Variants in MYOF observed in about 807,000 individuals in gnomAD.
MYOF encodes the protein myoferlin.
MYOF carries 244 observed loss-of-function variants against 284.2 expected under a neutral mutation model. The observed-to-expected ratio is 0.86, with a 90% CI of 0.77 to 0.95. The LOEUF (loss-of-function observed/expected upper bound fraction) is 0.95. Ranked by LOEUF, MYOF falls within the 40% of genes least tolerant of loss-of-function variation. The probability of loss-of-function intolerance (pLI) is 0.00; values close to 1 mark genes in which losing one functional copy is unlikely to be tolerated. For missense variants in MYOF, 2,496 were observed against 2,560.6 expected, an observed-to-expected ratio of 0.97 and a Z score of 0.54; for synonymous variants, 904 against 919.7, an observed-to-expected ratio of 0.98 and a Z score of 0.31.
At chr10:93,452,578 A>T (rs2056623528) in intron 2 of MYOF, among the ~76,000 whole-genome samples, 1 of 124,906 alleles carries the variant, frequency 8.0e-6, no homozygotes, top group Non-Finnish European at 1.7e-5. Flanking sequence ...GGGGGGAGGG[A>T]TAGCATTAGG....
chr10:93,338,796 C>T (rs1291281359), intron 39 of MYOF, among the ~76,000 whole-genome samples: 1 of 152,038 alleles, frequency 6.6e-6, no homozygotes, highest in Non-Finnish European at 1.5e-5. Flanking sequence ...GCAGAAGGGA[C>T]AGCATGTCAG....
intron 40 of MYOF, 59 bp from the exon 41 acceptor site, chr10:93,336,105 A>G: frequency 2.5e-6 from 4 of 1,575,910 alleles, no homozygotes; most frequent in Non-Finnish European, 3.4e-6. Flanking sequence ...GTCTAAAATC[A>G]AAAGGGCTGA....
At chr10:93,370,843 TC>T (rs1327183264) in intron 24 of MYOF, among the ~76,000 whole-genome samples, 1 of 149,668 alleles carries the variant, frequency 6.7e-6, no homozygotes, top group Non-Finnish European at 1.5e-5. Context: ...ACATGGTTAT[TC>T]CAATTTGAGT....
intron 17 of MYOF, among the ~76,000 whole-genome samples, chr10:93,390,416 A>G (rs1345836429): frequency 6.6e-6 from 1 of 152,180 alleles, no homozygotes; most frequent in African/African-American, 2.4e-5. Context: ...AAGATGTACA[A>G]AACTAGTGCA....
intron 53 of MYOF, among the ~76,000 whole-genome samples, chr10:93,308,794 C>T (rs1842251266): frequency 6.6e-6 from 1 of 151,836 alleles, no homozygotes. Context: ...TCACTGCAAC[C>T]TCCGCCTCCC....
chr10:93,372,834 C>T (rs1474369898), intron 24 of MYOF, 96 bp downstream of exon 24: 3 of 1,409,148 alleles, frequency 2.1e-6, no homozygotes, highest in Non-Finnish European at 3.0e-6. Flanking sequence ...ATCACCCTTA[C>T]CATTCAATGA....
chr10:93,341,052 G>A (rs954143012), intron 38 of MYOF, among the ~76,000 whole-genome samples: 1 of 152,136 alleles, frequency 6.6e-6, no homozygotes, highest in African/African-American at 2.4e-5. Context: ...CAATGCAATT[G>A]CCAAGAGAGG....
chr10:93,417,313 T>G (rs1211598106), intron 5 of MYOF, among the ~76,000 whole-genome samples: 1 of 152,186 alleles, frequency 6.6e-6, no homozygotes, highest in Non-Finnish European at 1.5e-5. Context: ...TGGTTCTCCA[T>G]CATAGCTCCA....
intron 3 of MYOF, among the ~76,000 whole-genome samples, chr10:93,432,690 T>C (rs186221137): frequency 1.3e-5 from 2 of 152,244 alleles, no homozygotes; most frequent in East Asian, 1.9e-4. Context: ...TGGTGGATAA[T>C]ATCAGCCTCT....
At chr10:93,416,585 G>A (rs1848132047) in intron 5 of MYOF, among the ~76,000 whole-genome samples, 1 of 142,160 alleles carries the variant, frequency 7.0e-6, no homozygotes, top group Non-Finnish European at 1.5e-5. Flanking sequence ...TATGAACCCT[G>A]GCTTTGATCA....
chr10:93,408,849 G>A lies in MYOF; in HGVS notation c.667C>T (p.His223Tyr), dbSNP rs751262466. ...GTTCGGTGTGTCTGGCCACAGACGT[G>A]AACTTTGACCACAGGCCTTATGTTG... ...GNNIRPVVKV[H>Y]VCGQTHRTRI... The change falls in exon 7 of 54, where the codon CAC (histidine) becomes TAC (tyrosine). Residue 223 changes from histidine to tyrosine, a missense_variant. Physicochemically the swap from His to Tyr is moderately conservative, Grantham distance 83. This residue lies in a region of MYOF where 2,436 missense variants were observed against 2,480.7 expected (regional missense o/e 0.98). Transcript: ENST00000359263. 6.2e-7 allele frequency: 1 copy of A among 1,614,200 alleles called. No individual in the cohort carries two copies. Among genetic ancestry groups the A allele is most frequent in the Non-Finnish European group, 8.5e-7 (1 of 1,180,042 alleles).
intron 22 of MYOF, among the ~76,000 whole-genome samples, chr10:93,376,557 T>C (rs1348622208): frequency 1.3e-5 from 2 of 152,166 alleles, no homozygotes; most frequent in African/African-American, 4.8e-5. Context: ...ATTACCTGGC[T>C]TTACCACTAG....
intron 43 of MYOF, among the ~76,000 whole-genome samples, chr10:93,330,213 G>C (rs147895184): frequency 2.0e-5 from 3 of 152,114 alleles, no homozygotes; most frequent in South Asian, 4.1e-4. Flanking sequence ...AATATTTAGA[G>C]AGCATCTGAC....
intron 2 of MYOF, among the ~76,000 whole-genome samples, chr10:93,455,064 T>C (rs1292343166): frequency 1.5e-5 from 2 of 136,478 alleles, no homozygotes; most frequent in Non-Finnish European, 3.1e-5. Flanking sequence ...GGGTGCTGGG[T>C]GGATCACCTG....
At chr10:93,356,632 C>T in intron 30 of MYOF, 43 bp downstream of exon 30, 1 of 1,579,274 alleles carries the variant, frequency 6.3e-7, no homozygotes, top group Non-Finnish European at 8.6e-7. Flanking sequence ...CATATATTTT[C>T]TCTACACCAA....
chr10:93,411,774 T>C (rs1026502080), intron 5 of MYOF, among the ~76,000 whole-genome samples: 3 of 152,252 alleles, frequency 2.0e-5, no homozygotes, highest in African/African-American at 7.2e-5. Flanking sequence ...GCTTCTGTTC[T>C]TCAAAAGTCA....
intron 2 of MYOF, among the ~76,000 whole-genome samples, chr10:93,455,323 A>G (rs1254521846): frequency 6.6e-6 from 1 of 150,816 alleles, no homozygotes; most frequent in Non-Finnish European, 1.5e-5. Flanking sequence ...ACAAAAAAAG[A>G]ACAAAAAAAA....
intron 3 of MYOF, among the ~76,000 whole-genome samples, chr10:93,441,286 C>T (rs947510561): frequency 2.0e-5 from 3 of 152,234 alleles, no homozygotes; most frequent in East Asian, 1.9e-4. Flanking sequence ...GAATGAAAAA[C>T]GTCTTATAAG....
chr10:93,458,516 AC>A (rs1003464103), intron 1 of MYOF, among the ~76,000 whole-genome samples: 2 of 152,136 alleles, frequency 1.3e-5, no homozygotes, highest in African/African-American at 4.8e-5. Flanking sequence ...CGGGCAGATC[AC>A]TTGAGGTCAG....
Sources: gnomAD v4.1 joint callset for allele counts (sites outside exome capture counted in the v4.1 genomes callset) on GRCh38, gnomAD v4.1.1 for gene constraint, gnomAD v4.1.1 regional missense constraint, MANE v1.5 for transcripts, NCBI Gene and HGNC (gene_info 2026-07-23, HGNC 2026-07-21) for gene names.